Variants in FSCN2 observed in about 807,000 individuals in gnomAD.
The protein encoded by FSCN2 is fascin-2.
FSCN2 carries 46 observed loss-of-function variants against 37.8 expected under a neutral mutation model. The observed-to-expected ratio is 1.22, with a 90% CI of 0.96 to 1.56. The LOEUF (loss-of-function observed/expected upper bound fraction) is 1.56, where lower values mean the gene tolerates loss of function less well. Ranked by LOEUF, FSCN2 falls within the 40% of genes most tolerant of loss-of-function variation. The probability of loss-of-function intolerance (pLI) is 0.00; values close to 1 mark genes in which losing one functional copy is unlikely to be tolerated. For synonymous variants in FSCN2, 351 were observed against 309.4 expected (o/e 1.13, Z -1.41); for missense variants, 844 against 730.4 (o/e 1.16, Z -1.79).
the FSCN2 span, among the ~76,000 whole-genome samples, chr17:81,515,371 G>A: frequency 6.6e-6 from 1 of 152,232 alleles, no homozygotes; most frequent in Non-Finnish European, 1.5e-5. Flanking sequence ...GCGGCCTCCG[G>A]AGCCGGGAGA....
chr17:81,519,694 C>A, the FSCN2 span, among the ~76,000 whole-genome samples: 1 of 152,146 alleles, frequency 6.6e-6, no homozygotes, highest in Non-Finnish European at 1.5e-5. Context: ...TGGGGAGGGG[C>A]CGGTGACCTC....
At chr17:81,518,145 C>T in the FSCN2 span, among the ~76,000 whole-genome samples, 12 of 152,150 alleles carry the variant, frequency 7.9e-5, no homozygotes, top group Non-Finnish European at 1.5e-4. Flanking sequence ...CCTGTCCCTC[C>T]ACTCCTTCAG....
intron 2 of FSCN2, among the ~76,000 whole-genome samples, 157 bp downstream of exon 2, chr17:81,535,365 TCCATCACCATCATCGCCATCC>T (rs2032818764): frequency 9.1e-6 from 1 of 109,788 alleles, no homozygotes; most frequent in Non-Finnish European, 1.7e-5. Context: ...CTCCACCATC[TCCATCACCATCATCGCCATCC>T]CCATCCCCAT....
At chr17:81,519,884 C>G in the FSCN2 span, among the ~76,000 whole-genome samples, 5 of 152,206 alleles carry the variant, frequency 3.3e-5, no homozygotes, top group Non-Finnish European at 7.4e-5. Context: ...GGGCGTTTTT[C>G]CCGCACTCTG....
At chr17:81,531,689 GA>G in intron 1 of FSCN2, among the ~76,000 whole-genome samples, 1 of 141,514 alleles carries the variant, frequency 7.1e-6, no homozygotes, top group African/African-American at 2.9e-5. Flanking sequence ...TGATGGTGAT[GA>G]TGGTGATGGT....
At chr17:81,522,590 G>C in the FSCN2 span, among the ~76,000 whole-genome samples, 1 of 152,218 alleles carries the variant, frequency 6.6e-6, no homozygotes, top group African/African-American at 2.4e-5. Context: ...GCCTGTGATG[G>C]TTGGTTCTTA....
the FSCN2 span, among the ~76,000 whole-genome samples, chr17:81,519,453 G>A: frequency 6.6e-6 from 1 of 152,170 alleles, no homozygotes; most frequent in African/African-American, 2.4e-5. Flanking sequence ...CCGGGAGATG[G>A]CGCCCGTGGA....
At chr17:81,536,107 T>C (rs780078310) in intron 2 of FSCN2, 39 bp from the exon 3 acceptor site, 1 of 1,595,272 alleles carries the variant, frequency 6.3e-7, no homozygotes. Context: ...CACCCCCATC[T>C]CCTGCTGTCC....
chr17:81,536,826 G>T (rs769334745), intron 4 of FSCN2, 37 bp downstream of exon 4: 1 of 1,554,572 alleles, frequency 6.4e-7, no homozygotes, highest in Non-Finnish European at 8.7e-7. Flanking sequence ...GGGAGCGGGG[G>T]TGGCAGCGGG....
In FSCN2 at chr17:81,536,620, A is replaced by G. The variant is rs2143906123; in HGVS notation, c.1106-2A>G. The stretch of plus-strand genomic sequence containing the variant: ...CAGCGCAGCAGACGCTCTCCCCGCC[A>G]GGCAAGGACGAAGAGTTCACCCTCA... On this transcript the variant is annotated splice_acceptor_variant, in intron 3 of 4. Transcript: ENST00000417245. LOFTEE classifies it high-confidence loss of function. The G allele has an allele frequency of 4.4e-6, 7 of 1,608,830 alleles. No individual in the cohort carries two copies. Among genetic ancestry groups the G allele is most frequent in the Non-Finnish European group, 5.9e-6 (7 of 1,179,650 alleles).
intron 1 of FSCN2, among the ~76,000 whole-genome samples, chr17:81,532,299 ATGATAG>A (rs2032693651): frequency 9.6e-6 from 1 of 104,700 alleles, no homozygotes; most frequent in Non-Finnish European, 1.9e-5. Flanking sequence ...GGTGATGATG[ATGATAG>A]TGATGGCGAT....
upstream of FSCN2, among the ~76,000 whole-genome samples, chr17:81,525,229 C>A (rs1334144149): frequency 1.3e-5 from 2 of 150,256 alleles, no homozygotes; most frequent in Non-Finnish European, 3.0e-5. Context: ...TGTTTGAGAC[C>A]ATGCTGGCCA....
At chr17:81,532,682 AGTGATG>A (rs1311939295) in intron 1 of FSCN2, among the ~76,000 whole-genome samples, 2 of 123,342 alleles carry the variant, frequency 1.6e-5, no homozygotes, top group Non-Finnish European at 3.4e-5. Context: ...TGGTGATGAT[AGTGATG>A]GTGATGGCGA....
chr17:81,536,892 T>A lies in FSCN2; in HGVS notation c.1291T>A (p.Trp431Arg). ...TCCCCCAGGCCGCGACGGAGGGTTC[T>A]GGTACACGGGCAGCCACGGCAGCGT... Reference protein sequence around the residue: ...YRIRGRDGGFWYTGSHGSVCS... With the variant: ...YRIRGRDGGFRYTGSHGSVCS... Residue 431 changes from tryptophan to arginine, a missense_variant, in exon 5 of 5, where the codon TGG (tryptophan) becomes AGG (arginine). Trp to Arg is a moderately radical substitution (Grantham distance 101, BLOSUM62 -3). Coordinates refer to ENST00000417245, the MANE Select transcript of FSCN2 (RefSeq NM_012418.4). The A allele has an allele frequency of 1.9e-6, 3 of 1,578,970 alleles. No individual in the cohort carries two copies. Among genetic ancestry groups the A allele is most frequent in the Non-Finnish European group, 2.6e-6 (3 of 1,164,110 alleles).
Position 81,531,150 on chromosome 17 carries a change from ATGGTGATGGTGATGATGG to A in FSCN2, c.826+1823_826+1840del, listed in dbSNP as rs1470512016. Among the ~76,000 whole-genome samples, 1,095 of 138,840 alleles carry A rather than the reference ATGGTGATGGTGATGATGG, an allele frequency of 7.9e-3. 20 individuals are homozygous for A. Among genetic ancestry groups the A allele is most frequent in the African/African-American group, 0.026 (1,002 of 37,922 alleles). 91.1% of individuals were successfully genotyped at this position (138,840 alleles called of 152,430 possible). On this transcript the variant is annotated intron_variant, in intron 1 of 4. Coordinates refer to ENST00000417245, the MANE Select transcript of FSCN2 (RefSeq NM_012418.4). ...CAGTGTGGTGGCAGCAGCGACAATGATGGTGATGGTGATGATGGTGGTGATGGTGATGATGGTGGTGAT... is the reference window on the plus strand; with the variant it reads ...CAGTGTGGTGGCAGCAGCGACAATGATGGTGATGGTGATGATGGTGGTGAT...
At chr17:81,532,410 G>GTGATGATGGTGATGT (rs2143880721) in intron 1 of FSCN2, among the ~76,000 whole-genome samples, 1 of 138,278 alleles carries the variant, frequency 7.2e-6, no homozygotes, top group South Asian at 2.6e-4. Context: ...GATAGTGATG[G>GTGATGATGGTGATGT]TGATGATGGT....
intron 2 of FSCN2, among the ~76,000 whole-genome samples, chr17:81,535,426 T>C (rs1434324608): frequency 3.3e-5 from 4 of 122,242 alleles, no homozygotes; most frequent in Non-Finnish European, 3.3e-5. Flanking sequence ...ACCATCCCCA[T>C]CATCACCATC....
At chr17:81,515,152 G>A in the FSCN2 span, among the ~76,000 whole-genome samples, 1 of 152,166 alleles carries the variant, frequency 6.6e-6, no homozygotes, top group Non-Finnish European at 1.5e-5. Context: ...GAGGCCTGGA[G>A]CCCGCGGGGC....
rs372751268 is a variant in FSCN2 at position 81,528,967 on chromosome 17, G to A, written c.436G>A (p.Val146Met). The A allele has an allele frequency of 7.6e-5, 121 of 1,588,340 alleles. No individual in the cohort carries two copies. The highest frequency in any genetic ancestry group is 2.5e-4 in the South Asian group (22 of 88,000). The change falls in exon 1 of 5, where the codon GTG (valine) becomes ATG (methionine). Residue 146 changes from valine (V) to methionine (M), a missense_variant. Transcript: ENST00000417245. Reference protein sequence around the residue: ...AIHPQAHLLSVSRRRYVHLCP... With the variant: ...AIHPQAHLLSMSRRRYVHLCP... ...CCACCCGCAGGCCCACCTGCTGAGC[G>A]TGAGCCGGCGGCGCTACGTGCACCT... is the stretch of plus-strand genomic sequence containing the variant.
Sources: allele counts gnomAD v4.1 joint callset (sites outside exome capture counted in the v4.1 genomes callset), GRCh38; gene constraint gnomAD v4.1.1; transcripts MANE v1.5; gene names NCBI Gene and HGNC (gene_info 2026-07-23, HGNC 2026-07-21).